The following ZNF676 variants were observed in gnomAD, a reference collection of about 807,000 sequenced individuals.
ZNF676 encodes zinc finger protein 676.
A neutral mutation model predicts 6.0 loss-of-function variants in ZNF676; 4 were observed. The observed-to-expected ratio is 0.67, with a 90% CI of 0.33 to 1.53. ZNF676 has a LOEUF of 1.53. ZNF676 is among the 40% of genes most tolerant of loss of function. The pLI is 0.06. For missense variants in ZNF676, 644 were observed against 679.7 expected (o/e 0.95, Z 0.58); for synonymous variants, 198 against 223.1 (o/e 0.89, Z 1.00).
the ZNF676 span, among the ~76,000 whole-genome samples, chr19:22,232,033 CTG>C: frequency 4.0e-5 from 6 of 151,436 alleles, no homozygotes; most frequent in South Asian, 2.1e-4. Flanking sequence ...ATTTGTATAT[CTG>C]TGTGTGTGTG....
intron 1 of ZNF676, among the ~76,000 whole-genome samples, chr19:22,194,714 A>C (rs1365611652): frequency 1.3e-5 from 2 of 152,040 alleles, no homozygotes; most frequent in African/African-American, 2.4e-5. Context: ...ATTTCATCAT[A>C]ATAACACCCC....
chr19:22,242,984 C>T, the ZNF676 span, among the ~76,000 whole-genome samples: 10 of 151,790 alleles, frequency 6.6e-5, no homozygotes, highest in African/African-American at 2.4e-4. Flanking sequence ...GCATATGCAT[C>T]CTGCGGGCAA....
At chr19:22,252,937 G>T in the ZNF676 span, among the ~76,000 whole-genome samples, 1 of 152,172 alleles carries the variant, frequency 6.6e-6, no homozygotes, top group Non-Finnish European at 1.5e-5. Flanking sequence ...CCAGAGATGA[G>T]ATTAACCATC....
chr19:22,182,541 AG>A (rs965576537), intron 2 of ZNF676, among the ~76,000 whole-genome samples: 1 of 149,708 alleles, frequency 6.7e-6, no homozygotes, highest in African/African-American at 2.5e-5. Flanking sequence ...TGTCAACAAA[AG>A]ATTTGCAGGA....
chr19:22,204,591 C>T (rs1035351248), intron 1 of ZNF676, among the ~76,000 whole-genome samples: 4 of 152,192 alleles, frequency 2.6e-5, no homozygotes, highest in African/African-American at 9.6e-5. Flanking sequence ...GTAAGTATTT[C>T]AGCCTGCAAA....
At chr19:22,243,043 G>A in the ZNF676 span, among the ~76,000 whole-genome samples, 2 of 151,794 alleles carry the variant, frequency 1.3e-5, no homozygotes, top group South Asian at 2.1e-4. Context: ...CCAGTATTAA[G>A]TTACTCTCCC....
At chr19:22,219,027 T>G (rs981823386), upstream of ZNF676, among the ~76,000 whole-genome samples, 1 of 124,664 alleles carries the variant, frequency 8.0e-6, no homozygotes, top group African/African-American at 3.8e-5. Context: ...TTTTTTTAGT[T>G]TTAGGATTTT....
chr19:22,238,677 TTAAG>T, the ZNF676 span, among the ~76,000 whole-genome samples: 9 of 152,272 alleles, frequency 5.9e-5, no homozygotes, highest in African/African-American at 4.8e-5. Context: ...TATATGTTAA[TTAAG>T]TATTAACTCA....
the ZNF676 span, among the ~76,000 whole-genome samples, chr19:22,250,347 A>T: frequency 6.3e-3 from 961 of 152,304 alleles, 12 homozygotes; most frequent in African/African-American, 0.022. Context: ...CAGGAGACAA[A>T]TAGTTTGGAA....
At chr19:22,223,065 T>C in the ZNF676 span, among the ~76,000 whole-genome samples, 1 of 152,132 alleles carries the variant, frequency 6.6e-6, no homozygotes, top group South Asian at 2.1e-4. Context: ...GGTGTCTTCC[T>C]CCAGGCCTCT....
At chr19:22,231,749 C>T in the ZNF676 span, among the ~76,000 whole-genome samples, 7 of 150,810 alleles carry the variant, frequency 4.6e-5, no homozygotes, top group Non-Finnish European at 8.9e-5. Context: ...ACTACAGGCG[C>T]GTGCCACCAT....
chr19:22,212,210 A>AAAAAAAG (rs1568536389), intron 1 of ZNF676, among the ~76,000 whole-genome samples: 3 of 150,724 alleles, frequency 2.0e-5, no homozygotes, highest in Non-Finnish European at 4.4e-5. Flanking sequence ...AAAAAAAAAA[A>AAAAAAAG]AAAAGAAAAG....
At position 22,180,133 on chromosome 19, in the gene ZNF676, A is replaced by C. The variant is rs777359310; in HGVS notation, c.1584T>G (p.Thr528=). ...CTTCACATTTGTAGGGTTTCTCTCC[A>C]GTATGAATTATCTTATGTTCAGTAA... ...SILTEHKIIH[T]GEKPYKCEEC... The change falls in exon 3 of 3, where the codon ACT becomes ACG. Residue 528 remains threonine, a synonymous_variant. Transcript: ENST00000397121. 1.2e-6 allele frequency: 2 copies of C among 1,613,846 alleles called. No homozygotes were observed. The highest frequency in any genetic ancestry group is 2.2e-5 in the East Asian group (1 of 44,864).
At chr19:22,253,852 T>C in the ZNF676 span, among the ~76,000 whole-genome samples, 1 of 152,162 alleles carries the variant, frequency 6.6e-6, no homozygotes, top group Non-Finnish European at 1.5e-5. Context: ...TAGTGTGCCC[T>C]GTAATGACAC....
chr19:22,230,301 G>A, the ZNF676 span, among the ~76,000 whole-genome samples: 2 of 152,096 alleles, frequency 1.3e-5, no homozygotes, highest in South Asian at 2.1e-4. Context: ...TGAACAATGA[G>A]AATGCATGGA....
In ZNF676 at chr19:22,196,918, G is replaced by A; in HGVS notation, c.-285C>T. ...TTCTCTAACTCTGAGAAAAGAAAGT[G>A]GTATAAGATCCATAACATCTGTGTA... On this transcript the variant is annotated 5_prime_UTR_variant, in exon 1 of 3. Transcript: ENST00000397121. 3.4e-6 allele frequency: 2 copies of A among 590,090 alleles called. No homozygotes were observed. Among genetic ancestry groups the A allele is most frequent in the Non-Finnish European group, 5.8e-6 (2 of 343,068 alleles). The allele number at this position is 590,090 out of a possible 1,614,324, so 36.6% of individuals were successfully genotyped here. A position where few individuals can be genotyped will look rare whatever the true frequency, so the allele number is the denominator to read the frequency against.
rs1233508283 is a variant in ZNF676 at position 22,211,727 on chromosome 19, C to T, written c.3+3905G>A. ...AAGATACTTACTTTTGCAAATTTACCCTGCAAAAAAAGAAACTGATGTTTT... is the reference window on the plus strand; with the variant it reads ...AAGATACTTACTTTTGCAAATTTACTCTGCAAAAAAAGAAACTGATGTTTT... On this transcript the variant is annotated intron_variant, in intron 1 of 3. Transcript: ENST00000650058. Among the ~76,000 whole-genome samples, 3 of 151,898 alleles carry T rather than the reference C, an allele frequency of 2.0e-5. No individual in the cohort carries two copies. In the East Asian group the frequency reaches 5.8e-4, roughly 29 times the overall value.
At chr19:22,260,129 G>T in the ZNF676 span, among the ~76,000 whole-genome samples, 1 of 152,122 alleles carries the variant, frequency 6.6e-6, no homozygotes, top group Non-Finnish European at 1.5e-5. Flanking sequence ...CCAGGTCCCG[G>T]CCAGATTCCC....
the ZNF676 span, among the ~76,000 whole-genome samples, chr19:22,221,196 G>A: frequency 6.6e-6 from 1 of 151,692 alleles, no homozygotes; most frequent in East Asian, 1.9e-4. Context: ...TGAACTTTTT[G>A]ATGTATGTAT....
Sources: allele counts gnomAD v4.1 joint callset (sites outside exome capture counted in the v4.1 genomes callset), GRCh38; gene constraint gnomAD v4.1.1; transcripts MANE v1.5; gene names NCBI Gene and HGNC (gene_info 2026-07-23, HGNC 2026-07-21).